The following FHOD3 variants were observed in gnomAD, a reference collection of about 807,000 sequenced individuals.
FHOD3 encodes the protein formin homology 2 domain containing 3.
In FHOD3, 90 loss-of-function variants were observed where a neutral mutation model predicts 173.0. The ratio of observed to expected loss-of-function variants is 0.52; its 90% CI spans 0.44 to 0.62. The LOEUF is 0.62. Among genes scored for constraint, FHOD3 ranks in the 20% least tolerant of loss-of-function variants. The pLI is 0.00. For missense variants in FHOD3, 1,945 were observed against 2,034.7 expected, an observed-to-expected ratio of 0.96 and a Z score of 0.85; for synonymous variants, 828 against 823.0, an observed-to-expected ratio of 1.01 and a Z score of -0.10.
chr18:36,596,804 C>T (rs1007007902), intron 7 of FHOD3, among the ~76,000 whole-genome samples: 2 of 152,084 alleles, frequency 1.3e-5, no homozygotes, highest in Non-Finnish European at 2.9e-5. Flanking sequence ...AAATGTTGCC[C>T]TCTGCTGCTA....
chr18:36,497,207 A>G lies in FHOD3; in HGVS notation c.338-4725A>G, dbSNP rs192342753. ...TGAAAATTAAAGATAGTTGGAATGA[A>G]AAGTACTTCTCAATTAGAAATTGTA... On this transcript the variant is annotated intron_variant, in intron 3 of 28. Coordinates refer to ENST00000590592, the MANE Select transcript of FHOD3 (RefSeq NM_001281740.3). Among the ~76,000 whole-genome samples, 17 of 152,358 alleles carry G rather than the reference A, an allele frequency of 1.1e-4. No individual in the cohort carries two copies. The East Asian group carries it at 3.1e-3, about 28-fold the overall frequency.
rs117824267 is a variant in FHOD3, at chr18:36,550,291, T to G, written c.512-26160T>G. Among the ~76,000 whole-genome samples, 1,379 of 149,098 alleles carry G rather than the reference T, an allele frequency of 9.2e-3. 12 individuals are homozygous for G. The highest frequency in any genetic ancestry group is 0.013 in the Non-Finnish European group (873 of 67,392). On this transcript the variant is annotated intron_variant, in intron 5 of 28. Transcript: ENST00000590592. ...ATGGGTCTGTTTCTGAACTTTTCAT[T>G]CCATACCATTGATCTGTTTGCCTGT...
At chr18:36,405,101 A>T (rs2048997537) in intron 3 of FHOD3, among the ~76,000 whole-genome samples, 2 of 152,220 alleles carry the variant, frequency 1.3e-5, no homozygotes, top group Non-Finnish European at 2.9e-5. Flanking sequence ...GCTCTGTGTG[A>T]AGGCTTTACT....
intron 1 of FHOD3, among the ~76,000 whole-genome samples, chr18:36,298,350 G>C (rs1010172751): frequency 3.3e-5 from 5 of 152,182 alleles, no homozygotes; most frequent in African/African-American, 4.8e-5. Flanking sequence ...AGTCGGCCTC[G>C]GCACTCGGGC....
chr18:36,510,888 A>T (rs1052528370), intron 4 of FHOD3, among the ~76,000 whole-genome samples: 2 of 152,080 alleles, frequency 1.3e-5, no homozygotes, highest in African/African-American at 4.8e-5. Flanking sequence ...CCTTCCCCCC[A>T]GGTCAGCTCT....
chr18:36,405,457 G>A (rs1272590592), intron 3 of FHOD3, among the ~76,000 whole-genome samples: 2 of 152,140 alleles, frequency 1.3e-5, no homozygotes, highest in Admixed American at 6.5e-5. Flanking sequence ...TGTCAGGCTC[G>A]TATGAGCCAA....
At chr18:36,622,232 A>G (rs1419013376) in intron 9 of FHOD3, among the ~76,000 whole-genome samples, 1 of 152,276 alleles carries the variant, frequency 6.6e-6, no homozygotes, top group Non-Finnish European at 1.5e-5. Flanking sequence ...TAGTAATGCA[A>G]GATGAATAAG....
chr18:36,648,256 A>G (rs1210696449), intron 10 of FHOD3, among the ~76,000 whole-genome samples: 1 of 152,084 alleles, frequency 6.6e-6, no homozygotes, highest in Non-Finnish European at 1.5e-5. Flanking sequence ...TGGGCTAGTT[A>G]TGTACGATGG....
intron 28 of FHOD3, among the ~76,000 whole-genome samples, 158 bp downstream of exon 28, chr18:36,769,584 G>A (rs1187056590): frequency 6.6e-6 from 1 of 152,226 alleles, no homozygotes; most frequent in East Asian, 1.9e-4. Context: ...AGGGTTGGCT[G>A]TTGACGTTGG....
In FHOD3 at chr18:36,367,183, G is replaced by A. The variant is rs975183808; in HGVS notation, c.273-5497G>A. Among the ~76,000 whole-genome samples, 44 of 152,236 alleles carry A rather than the reference G, an allele frequency of 2.9e-4. 1 individual carries two copies. Among genetic ancestry groups the A allele is most frequent in the Admixed American group, 2.8e-3 (43 of 15,290 alleles). On this transcript the variant is annotated intron_variant, in intron 2 of 28. Transcript: ENST00000590592. ...AACAGAAGTCTGTGTATTCTGAGAA[G>A]GCAGGATGTTTCAGAAAGTTCTTTT... is the stretch of plus-strand genomic sequence containing the variant.
At chr18:36,714,473 G>C (rs1379348536) in intron 18 of FHOD3, among the ~76,000 whole-genome samples, 1 of 152,134 alleles carries the variant, frequency 6.6e-6, no homozygotes, top group African/African-American at 2.4e-5. Flanking sequence ...GGAGGTAGAG[G>C]CTGCATTGAG....
intron 28 of FHOD3, among the ~76,000 whole-genome samples, chr18:36,777,189 CTTCT>C (rs2043727500): frequency 6.8e-6 from 1 of 146,520 alleles, no homozygotes; most frequent in South Asian, 2.2e-4. Context: ...ACTACTTCTT[CTTCT>C]TTTTCTTTTT....
chr18:36,603,004 C>G (rs1161030771), intron 8 of FHOD3, among the ~76,000 whole-genome samples: 1 of 152,034 alleles, frequency 6.6e-6, no homozygotes, highest in Non-Finnish European at 1.5e-5. Flanking sequence ...AGGCAGAGGT[C>G]AGAATAATGC....
At chr18:36,504,629 A>T (rs946648980) in intron 4 of FHOD3, among the ~76,000 whole-genome samples, 19 of 151,996 alleles carry the variant, frequency 1.3e-4, no homozygotes, top group Admixed American at 1.2e-3. Context: ...GCATTAGGAG[A>T]TATACCTAAT....
intron 1 of FHOD3, among the ~76,000 whole-genome samples, chr18:36,345,677 GA>G (rs2045845990): frequency 2.0e-5 from 3 of 152,154 alleles, no homozygotes; most frequent in African/African-American, 7.2e-5. Context: ...TTGAAAAGAA[GA>G]AAGGCTGAAA....
intron 2 of FHOD3, among the ~76,000 whole-genome samples, chr18:36,371,284 C>T (rs2047175223): frequency 6.6e-6 from 1 of 152,130 alleles, no homozygotes. Flanking sequence ...TCTCATGCTG[C>T]TAATAAAGAT....
chr18:36,626,123 A>G lies in FHOD3; in HGVS notation c.1196+374A>G, dbSNP rs537429624. Among the ~76,000 whole-genome samples, 91 of 152,306 alleles carry G rather than the reference A, an allele frequency of 6.0e-4. 2 individuals carry two copies. Among genetic ancestry groups the G allele is most frequent in the South Asian group, 1.7e-3 (8 of 4,816 alleles). ...CACTGTAGGAATGTGGGGTTGGAAG[A>G]GTCTCGCGATACTCCTGACAATACA... On this transcript the variant is annotated intron_variant, in intron 10 of 28. Coordinates refer to ENST00000590592, the MANE Select transcript of FHOD3 (RefSeq NM_001281740.3).
chr18:36,622,071 A>C (rs1276935986), intron 9 of FHOD3, among the ~76,000 whole-genome samples: 1 of 152,200 alleles, frequency 6.6e-6, no homozygotes, highest in African/African-American at 2.4e-5. Flanking sequence ...TGCTAAGTGA[A>C]ATGGCCCAGT....
chr18:36,768,527 G>A (rs1397968367), intron 27 of FHOD3, among the ~76,000 whole-genome samples: 2 of 152,156 alleles, frequency 1.3e-5, no homozygotes, highest in Non-Finnish European at 2.9e-5. Flanking sequence ...AAATCCCTCT[G>A]TATACTGAGG....
Sources: gnomAD v4.1 joint callset for allele counts (sites outside exome capture counted in the v4.1 genomes callset) on GRCh38, gnomAD v4.1.1 for gene constraint, MANE v1.5 for transcripts, NCBI Gene and HGNC (gene_info 2026-07-23, HGNC 2026-07-21) for gene names.